Variants in TRIO observed in about 807,000 individuals in gnomAD.
TRIO encodes triple functional domain protein.
A neutral mutation model predicts 351.9 loss-of-function variants in TRIO; 58 were observed. That is an observed-to-expected ratio of 0.16 (90% CI 0.13 to 0.21). The LOEUF (loss-of-function observed/expected upper bound fraction) is 0.21, where lower values mean the gene tolerates loss of function less well. TRIO is among the 10% of genes least tolerant of loss of function. The pLI is 1.00. For synonymous variants in TRIO, 1,758 were observed against 1,595.7 expected (o/e 1.10, Z -2.42); for missense variants, 3,201 against 4,027.8 (o/e 0.79, Z 5.56).
intron 13 of TRIO, among the ~76,000 whole-genome samples, chr5:14,360,215 C>G (rs1215439151): frequency 6.6e-6 from 1 of 152,154 alleles, no homozygotes; most frequent in Non-Finnish European, 1.5e-5. Flanking sequence ...ACTTTTGCAT[C>G]TTATATGTGA....
rs1210899022 is a variant in TRIO at position 14,417,574 on chromosome 5, T to G, written c.4960-2204T>G. 2.0e-5 allele frequency among the ~76,000 whole-genome samples: 3 copies of G among 152,138 alleles called. No homozygotes were observed. In the South Asian group the frequency reaches 6.2e-4, roughly 31 times the overall value. On this transcript the variant is annotated intron_variant, in intron 33 of 56. Coordinates refer to ENST00000344204, the MANE Select transcript of TRIO (RefSeq NM_007118.4). ...TCAGTGGACTCCCAACAGGAATGTT[T>G]CCCAGCAGGAGGCTGGGCCATTTCC...
intron 37 of TRIO, 149 bp downstream of exon 37, chr5:14,465,789 G>A: frequency 2.6e-6 from 2 of 767,620 alleles, no homozygotes; most frequent in Non-Finnish European, 4.4e-6. Context: ...ACCACCCTCG[G>A]GTTCACTGAT....
chr5:14,288,443 C>T (rs536119507), intron 4 of TRIO, among the ~76,000 whole-genome samples: 3 of 152,014 alleles, frequency 2.0e-5, no homozygotes, highest in South Asian at 4.2e-4. Context: ...CCGAGGCGGG[C>T]GGACCACGAG....
At chr5:14,226,996 G>C (rs2152216155) in intron 1 of TRIO, among the ~76,000 whole-genome samples, 1 of 152,092 alleles carries the variant, frequency 6.6e-6, no homozygotes, top group Non-Finnish European at 1.5e-5. Flanking sequence ...CCTCCAAACA[G>C]GGAAAAACAT....
At position 14,405,952 on chromosome 5, in the gene TRIO, C is replaced by T. The variant is rs1467847680; in HGVS notation, c.4821C>T (p.Ile1607=). ...GAGCCCTGAAGGAGCCCATTCACAT[C>T]CCTAAGACCGCTCCCGCCACAAGAC... ...LKGALKEPIH[I]PKTAPATRQK... Residue 1607 remains isoleucine (I), a synonymous_variant, in exon 32 of 57, where the codon ATC becomes ATT. Transcript: ENST00000344204. 6.2e-7 allele frequency: 1 copy of T among 1,612,344 alleles called. No homozygotes were observed. The highest frequency in any genetic ancestry group is 1.1e-5 in the South Asian group (1 of 90,500).
chr5:14,405,812 G>T (rs190502595), intron 31 of TRIO, 36 bp from the exon 32 acceptor site: 14 of 1,599,538 alleles, frequency 8.8e-6, no homozygotes, highest in East Asian at 2.2e-5. Context: ...GGAAAGGGCC[G>T]TTCCGTATCC....
chr5:14,284,887 T>C (rs1298163858), intron 3 of TRIO, among the ~76,000 whole-genome samples: 1 of 152,192 alleles, frequency 6.6e-6, no homozygotes, highest in Non-Finnish European at 1.5e-5. Flanking sequence ...CAGGCTTCCT[T>C]TGCAGAGCTC....
intron 10 of TRIO, among the ~76,000 whole-genome samples, chr5:14,332,577 A>G (rs1455007489): frequency 3.3e-5 from 5 of 152,222 alleles, no homozygotes; most frequent in Non-Finnish European, 4.4e-5. Context: ...ATCTTTTAAA[A>G]TAAATTACTA....
intron 1 of TRIO, among the ~76,000 whole-genome samples, chr5:14,224,112 A>C (rs1351759050): frequency 1.3e-5 from 2 of 152,126 alleles, no homozygotes; most frequent in African/African-American, 4.8e-5. Flanking sequence ...AATTTTATTT[A>C]ATGTTACAGT....
intron 40 of TRIO, among the ~76,000 whole-genome samples, chr5:14,476,524 G>T (rs1755086275): frequency 6.6e-6 from 1 of 152,200 alleles, no homozygotes; most frequent in Non-Finnish European, 1.5e-5. Context: ...AGGCACGGTG[G>T]CTCACGCCTG....
At chr5:14,438,334 C>T (rs1751759290) in intron 34 of TRIO, among the ~76,000 whole-genome samples, 1 of 152,212 alleles carries the variant, frequency 6.6e-6, no homozygotes, top group Non-Finnish European at 1.5e-5. Context: ...TACTTACTTG[C>T]TAATGTTCTC....
At chr5:14,156,564 T>A (rs184488054) in intron 1 of TRIO, among the ~76,000 whole-genome samples, 2 of 152,288 alleles carry the variant, frequency 1.3e-5, no homozygotes, top group Admixed American at 1.3e-4. Context: ...CAGGGTGCAT[T>A]TTAGTCTTTC....
chr5:14,500,211 C>T (rs1757185363), intron 53 of TRIO, among the ~76,000 whole-genome samples: 1 of 152,100 alleles, frequency 6.6e-6, no homozygotes, highest in Non-Finnish European at 1.5e-5. Flanking sequence ...TAACCATTTC[C>T]AAATTGTTCT....
At chr5:14,378,780 G>A (rs1161125362) in intron 20 of TRIO, among the ~76,000 whole-genome samples, 1 of 152,040 alleles carries the variant, frequency 6.6e-6, no homozygotes, top group Non-Finnish European at 1.5e-5. Flanking sequence ...GCCTGGTCTC[G>A]AACTCCTGAC....
At position 14,502,678 on chromosome 5, in the gene TRIO, C is replaced by T. The variant is rs576451052; in HGVS notation, c.8411+21C>T. 22 of 1,613,158 alleles carry T rather than the reference C, an allele frequency of 1.4e-5. No homozygotes were observed. The African/African-American group carries it at 1.6e-4, about 12-fold the overall frequency. On this transcript the variant is annotated intron_variant, in intron 54 of 56. Transcript: ENST00000344204. Reference sequence around the variant, plus strand: ...GGCAGGTATGATGCACAACCCAGAACGCCTTCCGAAAGAGCAGAGCGTGGG... The same window carrying T: ...GGCAGGTATGATGCACAACCCAGAATGCCTTCCGAAAGAGCAGAGCGTGGG...
chr5:14,498,230 G>T lies in TRIO; in HGVS notation c.8189G>T (p.Gly2730Val). Reference protein sequence around the residue: ...GPEHNTLNNDGHYSISYSDLG... With the variant: ...GPEHNTLNNDVHYSISYSDLG... ...GAACACAACACCTTGAACAACGATG[G>T]TCACTACAGCATCTCCTACAGGTGA... is the stretch of plus-strand genomic sequence containing the variant. The change falls in exon 52 of 57, where the codon GGT becomes GTT. Residue 2730 changes from glycine (G) to valine (V), a missense_variant. This residue lies in a region of TRIO where 1,089 missense variants were observed against 954.9 expected (regional missense o/e 1.14). Transcript: ENST00000344204. 1 of 1,614,216 alleles carries T rather than the reference G, an allele frequency of 6.2e-7. No homozygotes were observed. Among genetic ancestry groups the T allele is most frequent in the South Asian group, 1.1e-5 (1 of 91,084 alleles).
At chr5:14,439,982 G>T (rs1751894503) in intron 34 of TRIO, among the ~76,000 whole-genome samples, 1 of 151,994 alleles carries the variant, frequency 6.6e-6, no homozygotes, top group Non-Finnish European at 1.5e-5. Flanking sequence ...TTTCCTTTGA[G>T]GATTTTAAAA....
At chr5:14,440,558 C>G (rs1456984505) in intron 34 of TRIO, among the ~76,000 whole-genome samples, 1 of 152,196 alleles carries the variant, frequency 6.6e-6, no homozygotes, top group Non-Finnish European at 1.5e-5. Flanking sequence ...CTAAAAACTC[C>G]TTATAGTTCG....
intron 33 of TRIO, among the ~76,000 whole-genome samples, chr5:14,416,865 G>T (rs532123514): frequency 6.6e-6 from 1 of 152,322 alleles, no homozygotes; most frequent in African/African-American, 2.4e-5. Context: ...GTCTGGGAGT[G>T]GGGGCTGCTA....
Sources: gnomAD v4.1 joint callset for allele counts (sites outside exome capture counted in the v4.1 genomes callset) on GRCh38, gnomAD v4.1.1 for gene constraint, gnomAD v4.1.1 regional missense constraint, MANE v1.5 for transcripts, NCBI Gene and HGNC (gene_info 2026-07-23, HGNC 2026-07-21) for gene names.